PSMA3: variants seen among roughly 807,000 people sequenced by gnomAD.
The protein encoded by PSMA3 is proteasome subunit alpha type-3.
PSMA3 carries 8 observed loss-of-function variants against 40.0 expected under a neutral mutation model. The observed-to-expected ratio is 0.20, with a 90% confidence interval of 0.12 to 0.36. PSMA3 has a LOEUF of 0.36. Ranked by LOEUF, PSMA3 falls within the 10% of genes least tolerant of loss-of-function variation. The pLI is 1.00. For missense variants in PSMA3, 219 were observed against 310.6 expected (o/e 0.70, Z 2.22); for synonymous variants, 110 against 100.0 (o/e 1.10, Z -0.59).
At chr14:58,255,643 C>T (rs1312809652) in intron 3 of PSMA3, among the ~76,000 whole-genome samples, 1 of 152,162 alleles carries the variant, frequency 6.6e-6, no homozygotes, top group Non-Finnish European at 1.5e-5. Context: ...GTGGCGCATG[C>T]CTGTACTCCC....
intron 3 of PSMA3, among the ~76,000 whole-genome samples, chr14:58,256,782 T>G (rs764492471): frequency 6.6e-6 from 1 of 152,152 alleles, no homozygotes; most frequent in East Asian, 1.9e-4. Context: ...AAATTTCAGA[T>G]TTTTGGATTA....
At chr14:58,267,583 T>C in intron 8 of PSMA3, 63 bp downstream of exon 8, 1 of 1,465,246 alleles carries the variant, frequency 6.8e-7, no homozygotes. Context: ...ATATATATAT[T>C]ACATTAATCC....
In PSMA3 at chr14:58,271,977, C is replaced by A; in HGVS notation, c.*82C>A. The A allele has an allele frequency of 9.9e-7, 1 of 1,014,802 alleles. No homozygotes were observed. Among genetic ancestry groups the A allele is most frequent in the South Asian group, 1.5e-5 (1 of 67,442 alleles). 62.9% of individuals were successfully genotyped at this position (1,014,802 alleles called of 1,614,324 possible). ...TTAGCCCTGGATTATACATACTGTC[C>A]AATTTTCATTAAATTTTTGTCTTAT... On this transcript the variant is annotated 3_prime_UTR_variant, in exon 11 of 11. Coordinates refer to ENST00000216455, the MANE Select transcript of PSMA3 (RefSeq NM_002788.4).
intron 3 of PSMA3, among the ~76,000 whole-genome samples, chr14:58,252,949 CA>C (rs755762209): frequency 6.6e-6 from 1 of 151,086 alleles, no homozygotes; most frequent in Non-Finnish European, 1.5e-5. Flanking sequence ...TTAATCTTGA[CA>C]ACCCAGTGAA....
chr14:58,248,337 C>T (rs545413755), intron 2 of PSMA3, among the ~76,000 whole-genome samples: 1 of 152,288 alleles, frequency 6.6e-6, no homozygotes, highest in East Asian at 1.9e-4. Flanking sequence ...TCAAGTGATT[C>T]TCTTGCCTCA....
intron 6 of PSMA3, among the ~76,000 whole-genome samples, chr14:58,262,259 T>G (rs1238895062): frequency 6.6e-6 from 1 of 152,120 alleles, no homozygotes; most frequent in Non-Finnish European, 1.5e-5. Context: ...TCTCGCTCTG[T>G]CACCCAGACT....
At chr14:58,263,963 A>T (rs796229032) in intron 7 of PSMA3, among the ~76,000 whole-genome samples, 193 bp downstream of exon 7, 1 of 152,146 alleles carries the variant, frequency 6.6e-6, no homozygotes, top group Non-Finnish European at 1.5e-5. Flanking sequence ...AAAGTTTACG[A>T]ATTTGTGTTT....
At chr14:58,263,838 C>A in intron 7 of PSMA3, 68 bp downstream of exon 7, 3 of 1,415,618 alleles carry the variant, frequency 2.1e-6, no homozygotes, top group Non-Finnish European at 3.0e-6. Context: ...TCACCACAGA[C>A]ATTTCAGTCT....
Position 58,257,859 on chromosome 14 carries a change from CAT to C in PSMA3, c.330+16_330+17del, listed in dbSNP as rs1890182974. 1 of 1,611,578 alleles carries C rather than the reference CAT, an allele frequency of 6.2e-7. No individual in the cohort carries two copies. Among genetic ancestry groups the C allele is most frequent in the Non-Finnish European group, 8.5e-7 (1 of 1,177,968 alleles). On this transcript the variant is annotated intron_variant, in intron 4 of 10. Transcript: ENST00000216455. ...CATTCCACTAAAAGTAAGTTGATAA[CAT>C]ATTGAGGAACCTTTTGGACAGTAAT... is the stretch of plus-strand genomic sequence containing the variant.
chr14:58,245,658 T>C (rs1213660393), intron 1 of PSMA3, among the ~76,000 whole-genome samples: 1 of 152,256 alleles, frequency 6.6e-6, no homozygotes, highest in Non-Finnish European at 1.5e-5. Context: ...GGCTTTCCTT[T>C]GTTAAACGTA....
At chr14:58,252,897 A>G (rs1268341240) in intron 3 of PSMA3, among the ~76,000 whole-genome samples, 1 of 151,692 alleles carries the variant, frequency 6.6e-6, no homozygotes, top group Non-Finnish European at 1.5e-5. Flanking sequence ...ATATCTCTAT[A>G]TTAGGTTTTA....
At chr14:58,271,788 CCCACAGGTGT>C in intron 10 of PSMA3, 53 bp from the exon 11 acceptor site, 1 of 1,204,286 alleles carries the variant, frequency 8.3e-7, no homozygotes, top group South Asian at 1.3e-5. Context: ...GCTTAACTTG[CCCACAGGTGT>C]GGGATATAAC....
At chr14:58,262,759 C>T (rs1890321115) in intron 6 of PSMA3, among the ~76,000 whole-genome samples, 1 of 151,594 alleles carries the variant, frequency 6.6e-6, no homozygotes. Flanking sequence ...GACAGACTTT[C>T]ACCATGTTGC....
intron 5 of PSMA3, among the ~76,000 whole-genome samples, chr14:58,259,896 A>T (rs752534109): frequency 2.4e-4 from 37 of 152,328 alleles, no homozygotes; most frequent in Non-Finnish European, 4.3e-4. Context: ...GAAGGGGTCC[A>T]GTCATATAAA....
chr14:58,261,036 T>A lies in PSMA3; in HGVS notation c.477+16T>A. ...TGTTTCATACGTGAGTAATTTTGAA[T>A]CATTTGAAATTCTATTTTAGTTTAA... On this transcript the variant is annotated intron_variant, in intron 6 of 10. Coordinates refer to ENST00000216455, the MANE Select transcript of PSMA3 (RefSeq NM_002788.4). The A allele has an allele frequency of 1.3e-6, 2 of 1,549,090 alleles. No homozygotes were observed. The highest frequency in any genetic ancestry group is 3.4e-4 in the Middle Eastern group (2 of 5,940).
At chr14:58,255,682 T>C (rs568083427) in intron 3 of PSMA3, among the ~76,000 whole-genome samples, 18 of 152,176 alleles carry the variant, frequency 1.2e-4, no homozygotes, top group African/African-American at 3.9e-4. Flanking sequence ...GGCAGGAGAA[T>C]CCCTTGAACC....
At chr14:58,258,365 G>C (rs1360040236) in intron 5 of PSMA3, 2 of 164,680 alleles carry the variant, frequency 1.2e-5, no homozygotes, top group Admixed American at 1.2e-4. Context: ...TTGAGCCCAG[G>C]AGTTGAAGGC....
rs901867786 is a variant in PSMA3 at position 58,257,773 on chromosome 14, G to A, written c.257G>A (p.Arg86His). The change falls in exon 4 of 11, where the codon CGT (arginine) becomes CAT (histidine). Residue 86 changes from arginine to histidine, a missense_variant. Physicochemically the swap from Arg to His is conservative, Grantham distance 29. Coordinates refer to ENST00000216455, the MANE Select transcript of PSMA3 (RefSeq NM_002788.4). Reference protein sequence around the residue: ...MAVAGLLADARSLADIAREEA... With the variant: ...MAVAGLLADAHSLADIAREEA... ...GTAGCAGGTTTGTTGGCAGATGCTC[G>A]TTCTTTAGCAGACATAGCAAGAGAA... 1.1e-5 allele frequency: 17 copies of A among 1,611,422 alleles called. No individual in the cohort carries two copies. The highest frequency in any genetic ancestry group is 4.0e-5 in the African/African-American group (3 of 74,842).
chr14:58,270,243 C>T, intron 8 of PSMA3, 175 bp from the exon 9 acceptor site: 1 of 883,474 alleles, frequency 1.1e-6, no homozygotes, highest in Non-Finnish European at 1.6e-6. Context: ...CATTTTATTT[C>T]AGTCCCTGTG....
Sources: allele counts gnomAD v4.1 joint callset (sites outside exome capture counted in the v4.1 genomes callset), GRCh38; gene constraint gnomAD v4.1.1; transcripts MANE v1.5; gene names NCBI Gene and HGNC (gene_info 2026-07-23, HGNC 2026-07-21).